LRRC37A2: variants seen among roughly 807,000 people sequenced by gnomAD.
LRRC37A2 encodes leucine-rich repeat-containing protein 37A2.
LRRC37A2 carries 9 observed loss-of-function variants against 68.8 expected under a neutral mutation model. The observed-to-expected ratio is 0.13, with a 90% confidence interval of 0.08 to 0.23. The LOEUF (loss-of-function observed/expected upper bound fraction) is 0.23, where lower values mean the gene tolerates loss of function less well. Ranked by LOEUF, LRRC37A2 falls within the 10% of genes least tolerant of loss-of-function variation. The probability of loss-of-function intolerance (pLI) is 1.00; values close to 1 mark genes in which losing one functional copy is unlikely to be tolerated. For synonymous variants in LRRC37A2, 63 were observed against 367.6 expected (o/e 0.17, Z 9.48); for missense variants, 168 against 950.4 (o/e 0.18, Z 10.82).
the LRRC37A2 span, among the ~76,000 whole-genome samples, chr17:46,972,163 G>C: frequency 6.6e-6 from 1 of 152,146 alleles, no homozygotes; most frequent in East Asian, 1.9e-4. Context: ...GCTGTGTGCT[G>C]ACAGAACCCT....
At chr17:46,662,149 ATT>A in the LRRC37A2 span, among the ~76,000 whole-genome samples, 1 of 8,820 alleles carries the variant, frequency 1.1e-4, no homozygotes, top group Non-Finnish European at 4.2e-4. Context: ...AGCCTTTTGT[ATT>A]TTTAGTAGAG....
chr17:47,002,391 T>TA, the LRRC37A2 span, among the ~76,000 whole-genome samples: 429 of 151,778 alleles, frequency 2.8e-3, 1 homozygote, highest in Middle Eastern at 6.8e-3. Flanking sequence ...TATTTTTATT[T>TA]TTTTTTTTTA....
chr17:46,822,193 T>C, the LRRC37A2 span, among the ~76,000 whole-genome samples: 1 of 152,168 alleles, frequency 6.6e-6, no homozygotes, highest in Non-Finnish European at 1.5e-5. Context: ...GGAGGGCGTT[T>C]AACTTTCTCC....
At chr17:46,851,714 G>C in the LRRC37A2 span, 3 of 1,292,540 alleles carry the variant, frequency 2.3e-6, no homozygotes, top group Non-Finnish European at 2.9e-6. This position sits in a 1 kb window ranked among gnomAD's most constrained non-coding sequence, Gnocchi z 4.3. Context: ...CTCCTACTTC[G>C]GGTCAGTGCC....
the LRRC37A2 span, among the ~76,000 whole-genome samples, chr17:46,881,912 A>G: frequency 6.6e-6 from 1 of 152,226 alleles, no homozygotes; most frequent in Non-Finnish European, 1.5e-5. Context: ...CCATCACCAC[A>G]TCTAAGAGAT....
the LRRC37A2 span, among the ~76,000 whole-genome samples, chr17:46,789,774 G>C: frequency 4.6e-5 from 7 of 152,222 alleles, no homozygotes; most frequent in Non-Finnish European, 1.0e-4. Flanking sequence ...ACCTCCAGCT[G>C]GGCCTGGCCC....
the LRRC37A2 span, among the ~76,000 whole-genome samples, chr17:46,766,268 C>T: frequency 3.3e-5 from 5 of 152,080 alleles, no homozygotes; most frequent in African/African-American, 7.2e-5. Flanking sequence ...ATTAGCCGAT[C>T]GTGGTGGCGG....
the LRRC37A2 span, among the ~76,000 whole-genome samples, chr17:46,739,792 G>A: frequency 6.6e-6 from 1 of 151,540 alleles, no homozygotes; most frequent in Non-Finnish European, 1.5e-5. Context: ...TCTGCCTCCC[G>A]GGTTCAAGCA....
the LRRC37A2 span, among the ~76,000 whole-genome samples, chr17:46,869,026 G>A: frequency 8.5e-5 from 13 of 152,346 alleles, no homozygotes; most frequent in African/African-American, 2.9e-4. Context: ...AAAATAAACA[G>A]AGGGAAACTG....
At chr17:46,803,653 T>C in the LRRC37A2 span, among the ~76,000 whole-genome samples, 2 of 152,360 alleles carry the variant, frequency 1.3e-5, no homozygotes, top group Middle Eastern at 3.4e-3. Flanking sequence ...ATGGGAGATC[T>C]AGCCCCAGGC....
At chr17:46,976,828 C>G in the LRRC37A2 span, among the ~76,000 whole-genome samples, 1 of 152,222 alleles carries the variant, frequency 6.6e-6, no homozygotes, top group African/African-American at 2.4e-5. Context: ...CATGACGAAG[C>G]CACTTATCCA....
chr17:46,711,158 A>G, the LRRC37A2 span: 48 of 1,454,256 alleles, frequency 3.3e-5, no homozygotes, highest in South Asian at 5.1e-4. Flanking sequence ...AAGTTAAAGG[A>G]AAAAAAGCAG....
the LRRC37A2 span, among the ~76,000 whole-genome samples, chr17:47,022,187 C>CTTTTTTTTTTTTG: frequency 3.0e-4 from 1 of 3,326 alleles, no homozygotes; most frequent in African/African-American, 4.4e-4. Context: ...TTTTTTTTTC[C>CTTTTTTTTTTTTG]AGAGACAGGT....
the LRRC37A2 span, among the ~76,000 whole-genome samples, chr17:46,766,086 A>T: frequency 2.6e-5 from 4 of 152,218 alleles, no homozygotes; most frequent in Non-Finnish European, 4.4e-5. Flanking sequence ...TGTCCATTTC[A>T]GAAATGGGGA....
the LRRC37A2 span, among the ~76,000 whole-genome samples, chr17:46,972,423 G>A: frequency 6.6e-6 from 1 of 152,218 alleles, no homozygotes; most frequent in African/African-American, 2.4e-5. Flanking sequence ...ACCTGGGACA[G>A]GAAAGGATTC....
chr17:46,853,358 A>G, the LRRC37A2 span, among the ~76,000 whole-genome samples: 1 of 129,484 alleles, frequency 7.7e-6, no homozygotes, highest in East Asian at 2.7e-4. Flanking sequence ...AACTAATGCT[A>G]GTGACTTTTT....
At chr17:46,923,775 C>A in the LRRC37A2 span, 1 of 412,186 alleles carries the variant, frequency 2.4e-6, no homozygotes, top group Non-Finnish European at 4.2e-6. Context: ...CTAAGAAAAT[C>A]AAATTGTAAT....
At chr17:46,488,691 C>T in the LRRC37A2 span, among the ~76,000 whole-genome samples, 1 of 140,568 alleles carries the variant, frequency 7.1e-6, no homozygotes, top group Non-Finnish European at 1.5e-5. Flanking sequence ...GGTGACAGAA[C>T]GAGACTCTGT....
the LRRC37A2 span, chr17:46,966,953 T>C: frequency 2.7e-6 from 1 of 367,968 alleles, no homozygotes; most frequent in Non-Finnish European, 4.8e-6. Flanking sequence ...ATGCTCACCT[T>C]CTTCCTTGTG....
Sources: allele counts gnomAD v4.1 joint callset (sites outside exome capture counted in the v4.1 genomes callset), GRCh38; gene constraint gnomAD v4.1.1; non-coding constraint Gnocchi (gnomAD v3.1); transcripts MANE v1.5; gene names NCBI Gene and HGNC (gene_info 2026-07-23, HGNC 2026-07-21).